The following NFKB2 variants were observed in gnomAD, a reference collection of about 807,000 sequenced individuals.
The protein encoded by NFKB2 is nuclear factor NF-kappa-B p100 subunit.
NFKB2 carries 21 observed loss-of-function variants against 109.3 expected under a neutral mutation model. That is an observed-to-expected ratio of 0.19 (90% CI 0.14 to 0.28). The LOEUF (loss-of-function observed/expected upper bound fraction) is 0.28. Ranked by LOEUF, NFKB2 falls within the 10% of genes least tolerant of loss-of-function variation. NFKB2 has a pLI of 1.00. For synonymous variants in NFKB2, 478 were observed against 489.9 expected (o/e 0.98, Z 0.32); for missense variants, 806 against 1,185.3 (o/e 0.68, Z 4.70).
At position 102,397,887 on chromosome 10, in the gene NFKB2, G is replaced by C; in HGVS notation, c.662-94G>C. ...ATATTGGGTGTTTCCTGCAGCTCCA[G>C]GGGTTGCTGAGATAAGGAATACAAA... On this transcript the variant is annotated intron_variant, in intron 8 of 22. Transcript: ENST00000661543. The surrounding 1 kb of genome is among the most constrained non-coding windows in gnomAD (Gnocchi z 4.7). The C allele has an allele frequency of 7.3e-7, 1 of 1,367,020 alleles. No individual in the cohort carries two copies. The highest frequency in any genetic ancestry group is 2.3e-5 in the East Asian group (1 of 43,534). 84.7% of individuals were successfully genotyped at this position (1,367,020 alleles called of 1,614,324 possible).
At position 102,400,115 on chromosome 10, in the gene NFKB2, G is replaced by A. The variant is rs2061202834; in HGVS notation, c.1505G>A (p.Ser502Asn). The A allele has an allele frequency of 2.5e-6, 4 of 1,614,154 alleles. No individual in the cohort carries two copies. Among genetic ancestry groups the A allele is most frequent in the Non-Finnish European group, 2.5e-6 (3 of 1,180,014 alleles). The change falls in exon 15 of 23, where the codon AGT becomes AAT. Residue 502 changes from serine to asparagine, a missense_variant. Ser to Asn is a conservative substitution (Grantham distance 46). Coordinates refer to ENST00000661543, the MANE Select transcript of NFKB2 (RefSeq NM_001322934.2). This position sits in a 1 kb window ranked among gnomAD's most constrained non-coding sequence, Gnocchi z 6.3. ...LHLAIIHGQT[S>N]VIEQIVYVIH... ...CTAGCCATCATCCACGGGCAGACCA[G>A]TGTCATTGAGCAGATAGTCTATGTC...
At chr10:102,402,002 C>T in intron 21 of NFKB2, 46 bp from the exon 22 acceptor site, 1 of 1,577,772 alleles carries the variant, frequency 6.3e-7, no homozygotes, top group Non-Finnish European at 8.6e-7. Flanking sequence ...GGCTCCCGAG[C>T]ACATGCCCTA....
In NFKB2 at chr10:102,401,569, G is replaced by A; in HGVS notation, c.2293+51G>A. 6.3e-7 allele frequency: 1 copy of A among 1,597,424 alleles called. No homozygotes were observed. Among genetic ancestry groups the A allele is most frequent in the Non-Finnish European group, 8.5e-7 (1 of 1,169,902 alleles). On this transcript the variant is annotated intron_variant, in intron 20 of 22. Transcript: ENST00000661543. This position sits in a 1 kb window ranked among gnomAD's most constrained non-coding sequence, Gnocchi z 4.2. ...CCGACTCCTCTGACTCCTCACAGAGGTCTCTTCTCCTTCAGGACCTCTGAA... is the reference window on the plus strand; with the variant it reads ...CCGACTCCTCTGACTCCTCACAGAGATCTCTTCTCCTTCAGGACCTCTGAA...
At position 102,399,661 on chromosome 10, in the gene NFKB2, G is replaced by A; in HGVS notation, c.1412G>A (p.Arg471His). Residue 471 changes from arginine (R) to histidine (H), a missense_variant, in exon 14 of 23, where the codon CGC (arginine) becomes CAC (histidine). By Grantham distance (29) the Arg-to-His change is conservative. Around this residue, in one of 10 missense-constraint regions of NFKB2, gnomAD observed 209 missense variants for 211.9 expected, o/e 0.99. Transcript: ENST00000661543. ...LLDYGVTADA[R>H]ALLAGQRHLL... is the part of the protein sequence containing the mutation. ...GACTACGGCGTCACCGCGGACGCGCGCGCGCTGCTGGCGGGACAGCGCCAC... is the reference window on the plus strand; with the variant it reads ...GACTACGGCGTCACCGCGGACGCGCACGCGCTGCTGGCGGGACAGCGCCAC... The A allele has an allele frequency of 1.3e-6, 2 of 1,531,950 alleles. No homozygotes were observed. The highest frequency in any genetic ancestry group is 1.8e-6 in the Non-Finnish European group (2 of 1,138,056). The allele number at this position is 1,531,950 out of a possible 1,614,324, so 94.9% of individuals were successfully genotyped here.
In NFKB2 at chr10:102,397,836, G is replaced by A. The variant is rs148814919; in HGVS notation, c.662-145G>A. ...ATCCTGAGCAAGTCATTTCCCCCCCGAAGCTTCTGTCTTTAGTAAATGTGT... is the reference window on the plus strand; with the variant it reads ...ATCCTGAGCAAGTCATTTCCCCCCCAAAGCTTCTGTCTTTAGTAAATGTGT... On this transcript the variant is annotated intron_variant, in intron 8 of 22. Transcript: ENST00000661543. This position sits in a 1 kb window ranked among gnomAD's most constrained non-coding sequence, Gnocchi z 4.7. The A allele has an allele frequency of 2.1e-5, 27 of 1,265,368 alleles. No individual in the cohort carries two copies. Among genetic ancestry groups the A allele is most frequent in the Non-Finnish European group, 2.9e-5 (26 of 896,948 alleles). 78.4% of individuals were successfully genotyped at this position (1,265,368 alleles called of 1,614,324 possible). A position where few individuals can be genotyped will look rare whatever the true frequency, so the allele number is the denominator to read the frequency against.
At position 102,396,436 on chromosome 10, in the gene NFKB2, T is replaced by C; in HGVS notation, c.104-13T>C. 6.2e-7 allele frequency: 1 copy of C among 1,614,104 alleles called. No homozygotes were observed. Among genetic ancestry groups the C allele is most frequent in the Non-Finnish European group, 8.5e-7 (1 of 1,179,992 alleles). On this transcript the variant is annotated splice_polypyrimidine_tract_variant and intron_variant, in intron 3 of 22. Transcript: ENST00000661543. The surrounding 1 kb of genome is among the most constrained non-coding windows in gnomAD (Gnocchi z 5.9). ...TGGGAGATCGTGGCTCAGCAAGGTCTCTCTGTCCCCAGCTGATGGCCCCTA... is the reference window on the plus strand; with the variant it reads ...TGGGAGATCGTGGCTCAGCAAGGTCCCTCTGTCCCCAGCTGATGGCCCCTA...
Position 102,400,508 on chromosome 10 carries a change from A to G in NFKB2, c.1798+17A>G. Reference sequence around the variant, plus strand: ...ACTTTGAGGGTGAGCTCCCCATCTCACCTGACTAAGGGGGCAGGCGGGGAC... The same window carrying G: ...ACTTTGAGGGTGAGCTCCCCATCTCGCCTGACTAAGGGGGCAGGCGGGGAC... On this transcript the variant is annotated intron_variant, in intron 16 of 22. Transcript: ENST00000661543. The surrounding 1 kb of genome is among the most constrained non-coding windows in gnomAD (Gnocchi z 6.3). 6.3e-7 allele frequency: 1 copy of G among 1,593,922 alleles called. No individual in the cohort carries two copies. The highest frequency in any genetic ancestry group is 8.5e-7 in the Non-Finnish European group (1 of 1,170,746).
chr10:102,399,774 G>C (rs1034357132), intron 14 of NFKB2, 56 bp downstream of exon 14: 8 of 1,436,900 alleles, frequency 5.6e-6, no homozygotes, highest in African/African-American at 1.4e-5. Context: ...GAAAGGGACC[G>C]GCACGGAGGC....
At position 102,397,826 on chromosome 10, in the gene NFKB2, T is replaced by G; in HGVS notation, c.661+141T>G. On this transcript the variant is annotated intron_variant, in intron 8 of 22. Coordinates refer to ENST00000661543, the MANE Select transcript of NFKB2 (RefSeq NM_001322934.2). This position sits in a 1 kb window ranked among gnomAD's most constrained non-coding sequence, Gnocchi z 4.7. The stretch of plus-strand genomic sequence containing the variant: ...GAGCTGAGTGATCCTGAGCAAGTCA[T>G]TTCCCCCCCGAAGCTTCTGTCTTTA... The G allele has an allele frequency of 7.8e-7, 1 of 1,283,074 alleles. No homozygotes were observed. Among genetic ancestry groups the G allele is most frequent in the African/African-American group, 1.5e-5 (1 of 67,288 alleles). 79.5% of individuals were successfully genotyped at this position (1,283,074 alleles called of 1,614,324 possible).
At position 102,401,006 on chromosome 10, in the gene NFKB2, T is replaced by C. The variant is rs899835463; in HGVS notation, c.2028T>C (p.Ala676=). 1.2e-6 allele frequency: 2 copies of C among 1,614,030 alleles called. No individual in the cohort carries two copies. The highest frequency in any genetic ancestry group is 1.7e-5 in the Admixed American group (1 of 59,984). ...GAAACACACCCCTGCACCTGGCAGC[T>C]GGACTGGGGTACCCGACCCTCACCC... ...FAGNTPLHLA[A]GLGYPTLTRL... The change falls in exon 18 of 23, where the codon GCT becomes GCC. Residue 676 remains alanine (A), a synonymous_variant. Coordinates refer to ENST00000661543, the MANE Select transcript of NFKB2 (RefSeq NM_001322934.2). The surrounding 1 kb of genome is among the most constrained non-coding windows in gnomAD (Gnocchi z 4.2).
chr10:102,394,161 G>C (rs1565201458), upstream of NFKB2: 1 of 152,280 alleles, frequency 6.6e-6, no homozygotes, highest in Non-Finnish European at 1.5e-5. Flanking sequence ...TGGGGGCCCC[G>C]AGGGCTGGGG....
In NFKB2 at chr10:102,401,383, C is replaced by A; in HGVS notation, c.2223+52C>A. ...CTCTGAGTGACGGGGTCCAGAGTAT[C>A]TGGACTTAAAGACACAGGCTTAAGG... On this transcript the variant is annotated intron_variant, in intron 19 of 22. Coordinates refer to ENST00000661543, the MANE Select transcript of NFKB2 (RefSeq NM_001322934.2). The surrounding 1 kb of genome is among the most constrained non-coding windows in gnomAD (Gnocchi z 4.2). 3.1e-6 allele frequency: 5 copies of A among 1,612,888 alleles called. No homozygotes were observed. The highest frequency in any genetic ancestry group is 4.2e-6 in the Non-Finnish European group (5 of 1,179,432).
In NFKB2 at chr10:102,397,440, T is replaced by A. The variant is rs377007747; in HGVS notation, c.502+32T>A. 2.3e-5 allele frequency: 10 copies of A among 431,946 alleles called. No homozygotes were observed. Among genetic ancestry groups the A allele is most frequent in the Non-Finnish European group, 2.8e-5 (9 of 325,982 alleles). 26.8% of individuals were successfully genotyped at this position (431,946 alleles called of 1,614,324 possible). On this transcript the variant is annotated intron_variant, in intron 7 of 22. Coordinates refer to ENST00000661543, the MANE Select transcript of NFKB2 (RefSeq NM_001322934.2). This position sits in a 1 kb window ranked among gnomAD's most constrained non-coding sequence, Gnocchi z 4.7. The stretch of plus-strand genomic sequence containing the variant: ...GTGCAGGGGGTGGGTCGGGTATGGG[T>A]GCAGGGGGTGGGTGGGTCATGGGAG...
In NFKB2 at chr10:102,399,454, G is replaced by A; in HGVS notation, c.1284G>A (p.Arg428=). The part of the protein sequence containing the change: ...EEAAEPSAPS[R]TPQCEPQAPE... ...CCGCGGAGCCAAGCGCCCCCTCCAG[G>A]ACCCCCCAGTGCGAGCCGCAGGCCC... Residue 428 remains arginine (R), a synonymous_variant, in exon 13 of 23, where the codon AGG becomes AGA. Coordinates refer to ENST00000661543, the MANE Select transcript of NFKB2 (RefSeq NM_001322934.2). The A allele has an allele frequency of 6.6e-7, 1 of 1,514,966 alleles. No individual in the cohort carries two copies. The highest frequency in any genetic ancestry group is 1.2e-5 in the South Asian group (1 of 80,720). The allele number at this position is 1,514,966 out of a possible 1,614,324, so 93.8% of individuals were successfully genotyped here.
chr10:102,396,274 T>C lies in NFKB2; in HGVS notation c.43T>C (p.Tyr15His). 2 of 1,612,698 alleles carry C rather than the reference T, an allele frequency of 1.2e-6. No individual in the cohort carries two copies. Among genetic ancestry groups the C allele is most frequent in the Non-Finnish European group, 1.7e-6 (2 of 1,178,882 alleles). ...CCAGGGTCTGGATGGTATTATTGAA[T>C]ATGATGATTTCAAATTGAACTCCTC... ...YNPGLDGIIE[Y>H]DDFKLNSSIV... The change falls in exon 3 of 23, where the codon TAT becomes CAT. Residue 15 changes from tyrosine to histidine, a missense_variant. Transcript: ENST00000661543. The surrounding 1 kb of genome is among the most constrained non-coding windows in gnomAD (Gnocchi z 5.9).
At position 102,402,420 on chromosome 10, in the gene NFKB2, C is replaced by T. The variant is rs1341821502; in HGVS notation, c.*44C>T. The T allele has an allele frequency of 1.0e-5, 12 of 1,162,744 alleles. No individual in the cohort carries two copies. Among genetic ancestry groups the T allele is most frequent in the East Asian group, 2.4e-5 (1 of 41,406 alleles). The allele number at this position is 1,162,744 out of a possible 1,614,324, so 72.0% of individuals were successfully genotyped here. A position where few individuals can be genotyped will look rare whatever the true frequency, so the allele number is the denominator to read the frequency against. ...CCCCCTTCCCGGACCCCCTGTACAG[C>T]GTCCCCACCTATTTCAAATCTTATT... On this transcript the variant is annotated 3_prime_UTR_variant, in exon 23 of 23. Coordinates refer to ENST00000661543, the MANE Select transcript of NFKB2 (RefSeq NM_001322934.2).
intron 12 of NFKB2, 33 bp from the exon 13 acceptor site, chr10:102,399,255 G>A: frequency 2.6e-6 from 4 of 1,535,164 alleles, no homozygotes; most frequent in Non-Finnish European, 1.8e-6. Flanking sequence ...CATGGCTGGT[G>A]CCCGCTTCCC....
At position 102,395,772 on chromosome 10, in the gene NFKB2, A is replaced by C; in HGVS notation, c.-97A>C. On this transcript the variant is annotated 5_prime_UTR_variant, in exon 1 of 23. Coordinates refer to ENST00000661543, the MANE Select transcript of NFKB2 (RefSeq NM_001322934.2). The stretch of plus-strand genomic sequence containing the variant: ...CGCTCTCCACCGGATCTCACCCGCC[A>C]CACCCGGACAGGCGGCTGGAGGAGG... The C allele has an allele frequency of 6.3e-6, 4 of 633,390 alleles. No individual in the cohort carries two copies. Among genetic ancestry groups the C allele is most frequent in the Non-Finnish European group, 1.1e-5 (4 of 360,146 alleles). 39.2% of individuals were successfully genotyped at this position (633,390 alleles called of 1,614,324 possible).
chr10:102,396,492 G>GA lies in NFKB2; in HGVS notation c.144+4dup. The GA allele has an allele frequency of 6.2e-7, 1 of 1,613,986 alleles. No homozygotes were observed. The highest frequency in any genetic ancestry group is 8.5e-7 in the Non-Finnish European group (1 of 1,180,008). On this transcript the variant is annotated splice_donor_region_variant and intron_variant, in intron 4 of 22. Coordinates refer to ENST00000661543, the MANE Select transcript of NFKB2 (RefSeq NM_001322934.2). The surrounding 1 kb of genome is among the most constrained non-coding windows in gnomAD (Gnocchi z 5.9). ...TGATCGTGGAACAGCCTAAGCAGGT[G>GA]AGTGAGCAAAAGGGAGGGTGTGGAA...
Sources: allele counts gnomAD v4.1 joint callset, GRCh38; gene constraint gnomAD v4.1.1; regional missense constraint gnomAD v4.1.1; non-coding constraint Gnocchi (gnomAD v3.1); transcripts MANE v1.5; gene names NCBI Gene and HGNC (gene_info 2026-07-23, HGNC 2026-07-21).